The following EYS variants were observed in gnomAD, a reference collection of about 807,000 sequenced individuals.
The protein encoded by EYS is EGF-like photoreceptor maintenance factor, also known as protein eyes shut homolog.
Under a neutral mutation model 282.1 loss-of-function variants are expected in EYS, and 250 were observed. The observed-to-expected ratio is 0.89, with a 90% CI of 0.80 to 0.98. EYS has a LOEUF of 0.98. EYS is among the 50% of genes least tolerant of loss of function. EYS has a pLI of 0.00. For synonymous variants in EYS, 1,355 were observed against 1,282.9 expected, an observed-to-expected ratio of 1.06 and a Z score of -1.20; for missense variants, 4,016 against 3,709.0, an observed-to-expected ratio of 1.08 and a Z score of -2.15.
intron 24 of EYS, among the ~76,000 whole-genome samples, chr6:64,613,781 C>T (rs1055187759): frequency 1.3e-5 from 2 of 152,130 alleles, no homozygotes; most frequent in African/African-American, 2.4e-5. Context: ...TTCAAAAATG[C>T]TACAGGGTTC....
intron 26 of EYS, among the ~76,000 whole-genome samples, chr6:64,494,748 A>G (rs927878294): frequency 6.6e-6 from 1 of 151,676 alleles, no homozygotes; most frequent in African/African-American, 2.4e-5. Context: ...TTTATACCTC[A>G]TGAATGTTAT....
At chr6:65,185,604 T>G (rs1326213720) in intron 12 of EYS, among the ~76,000 whole-genome samples, 1 of 151,866 alleles carries the variant, frequency 6.6e-6, no homozygotes, top group Non-Finnish European at 1.5e-5. Flanking sequence ...GCGTGTAACC[T>G]ACCTTACTTT....
Position 63,778,196 on chromosome 6 carries a change from A to G in EYS, c.7724-16T>C, listed in dbSNP as rs1232569792. 2 of 1,551,026 alleles carry G rather than the reference A, an allele frequency of 1.3e-6. No homozygotes were observed. The highest frequency in any genetic ancestry group is 1.7e-6 in the Non-Finnish European group (2 of 1,146,256). On this transcript the variant is annotated splice_polypyrimidine_tract_variant and intron_variant, in intron 39 of 42. Coordinates refer to ENST00000503581, the MANE Select transcript of EYS (RefSeq NM_001142800.2). The stretch of plus-strand genomic sequence containing the variant: ...AAAATACAGCCTTGAAGAAATGCAA[A>G]AACACTTCGTGTTAACAAACAGAAG...
intron 15 of EYS, among the ~76,000 whole-genome samples, chr6:64,923,053 T>C (rs1054792766): frequency 5.9e-5 from 9 of 152,096 alleles, no homozygotes; most frequent in Non-Finnish European, 1.3e-4. Context: ...GTGCCTATGA[T>C]GTATGTTGAG....
chr6:64,045,414 T>G (rs774014691), intron 33 of EYS, among the ~76,000 whole-genome samples: 4 of 147,904 alleles, frequency 2.7e-5, no homozygotes, highest in Non-Finnish European at 4.5e-5. Context: ...TTTATTTTAT[T>G]TTATTTTATT....
chr6:64,489,187 G>T lies in EYS; in HGVS notation c.5645-49835C>A, dbSNP rs370071070. On this transcript the variant is annotated intron_variant, in intron 26 of 42. Coordinates refer to ENST00000503581, the MANE Select transcript of EYS (RefSeq NM_001142800.2). ...AGAGATTAGAGAACTTGCAATGTAA[G>T]AAAATATGTTCACAGGTTTTACTGA... Among the ~76,000 whole-genome samples the T allele has an allele frequency of 2.7e-5, 4 of 150,896 alleles. No homozygotes were observed. In the East Asian group the frequency reaches 7.8e-4, roughly 29 times the overall value.
intron 2 of EYS, among the ~76,000 whole-genome samples, chr6:65,548,933 T>G (rs1477132961): frequency 6.6e-6 from 1 of 152,106 alleles, no homozygotes; most frequent in East Asian, 1.9e-4. Context: ...GGAAGACAAT[T>G]TTTCCACCAG....
At position 65,382,279 on chromosome 6, in the gene EYS, C is replaced by T. The variant is rs374984943; in HGVS notation, c.1299+2107G>A. ...GTTTTATAAATTTCTCTTTAACTCTCAGGTTTATGCTTCATGTCAAATTAA... is the reference window on the plus strand; with the variant it reads ...GTTTTATAAATTTCTCTTTAACTCTTAGGTTTATGCTTCATGTCAAATTAA... On this transcript the variant is annotated intron_variant, in intron 8 of 42. Coordinates refer to ENST00000503581, the MANE Select transcript of EYS (RefSeq NM_001142800.2). Among the ~76,000 whole-genome samples the T allele has an allele frequency of 6.6e-5, 9 of 136,750 alleles. No homozygotes were observed. In the South Asian group the frequency reaches 7.1e-4, roughly 11 times the overall value. The allele number at this position is 136,750 out of a possible 152,430, so 89.7% of individuals were successfully genotyped here. A position where few individuals can be genotyped will look rare whatever the true frequency, so the allele number is the denominator to read the frequency against.
chr6:64,367,061 T>C lies in EYS; in HGVS notation c.6078+21629A>G, dbSNP rs971881652. 3.3e-5 allele frequency among the ~76,000 whole-genome samples: 5 copies of C among 152,194 alleles called. No homozygotes were observed. The East Asian group carries it at 7.7e-4, about 24-fold the overall frequency. On this transcript the variant is annotated intron_variant, in intron 29 of 42. Coordinates refer to ENST00000503581, the MANE Select transcript of EYS (RefSeq NM_001142800.2). ...AAAGTAAAAAATAGTTACAGAACAA[T>C]GGTCGAATCCCAAGTGATTTCACCA...
At chr6:65,504,020 C>T (rs1032322917) in intron 2 of EYS, among the ~76,000 whole-genome samples, 2 of 151,632 alleles carry the variant, frequency 1.3e-5, no homozygotes, top group African/African-American at 2.4e-5. Context: ...TGGGATTGTA[C>T]TGAATCTATG....
At chr6:64,057,189 G>T (rs1310413945) in intron 33 of EYS, among the ~76,000 whole-genome samples, 2 of 152,100 alleles carry the variant, frequency 1.3e-5, no homozygotes, top group African/African-American at 4.8e-5. Flanking sequence ...AAGAAAATTG[G>T]TAAATCTTTT....
At chr6:63,956,214 T>G (rs900409803) in intron 35 of EYS, among the ~76,000 whole-genome samples, 1 of 152,186 alleles carries the variant, frequency 6.6e-6, no homozygotes, top group African/African-American at 2.4e-5. Flanking sequence ...CTGAAGCCAC[T>G]GAAGAATCAC....
intron 31 of EYS, among the ~76,000 whole-genome samples, chr6:64,189,806 A>G (rs534753158): frequency 6.6e-6 from 1 of 152,292 alleles, no homozygotes; most frequent in South Asian, 2.1e-4. Context: ...GTGTGGGTCA[A>G]TTCTTTATAC....
At chr6:65,415,218 G>A (rs1767182815) in intron 5 of EYS, among the ~76,000 whole-genome samples, 1 of 151,966 alleles carries the variant, frequency 6.6e-6, no homozygotes, top group African/African-American at 2.4e-5. Flanking sequence ...AATGGAAAGA[G>A]GTAGTATATA....
intron 12 of EYS, among the ~76,000 whole-genome samples, chr6:65,231,597 A>C (rs1270533779): frequency 6.6e-6 from 1 of 151,868 alleles, no homozygotes; most frequent in Admixed American, 6.6e-5. Flanking sequence ...GATGAACAGC[A>C]AAGGATAAAT....
At chr6:65,451,799 A>C (rs940243938) in intron 5 of EYS, among the ~76,000 whole-genome samples, 6 of 151,976 alleles carry the variant, frequency 3.9e-5, no homozygotes, top group African/African-American at 1.4e-4. Context: ...TCTTTTTATT[A>C]AATGCATATT....
intron 22 of EYS, among the ~76,000 whole-genome samples, chr6:64,805,232 C>A (rs1764389015): frequency 6.6e-6 from 1 of 151,792 alleles, no homozygotes; most frequent in Non-Finnish European, 1.5e-5. Flanking sequence ...AATAAAGTAA[C>A]CTTAATTGTA....
intron 13 of EYS, among the ~76,000 whole-genome samples, chr6:65,045,044 G>T (rs187202494): frequency 2.0e-5 from 3 of 151,700 alleles, no homozygotes; most frequent in Non-Finnish European, 4.4e-5. Context: ...TTTAATTTCT[G>T]TCTGCTTCTG....
intron 13 of EYS, among the ~76,000 whole-genome samples, chr6:65,031,158 T>TACAC (rs199536494): frequency 2.1e-5 from 3 of 142,000 alleles, no homozygotes; most frequent in Non-Finnish European, 3.0e-5. Flanking sequence ...TATATATATA[T>TACAC]ACACACACAC....
Sources: gnomAD v4.1 joint callset for allele counts (sites outside exome capture counted in the v4.1 genomes callset) on GRCh38, gnomAD v4.1.1 for gene constraint, MANE v1.5 for transcripts, NCBI Gene and HGNC (gene_info 2026-07-23, HGNC 2026-07-21) for gene names.